The following EEF2K variants were observed in gnomAD, a reference collection of about 807,000 sequenced individuals.
EEF2K encodes the protein eukaryotic elongation factor 2 kinase, also known as alternative protein EEF2K.
In EEF2K, 70 loss-of-function variants were observed where a neutral mutation model predicts 93.8. The observed-to-expected ratio is 0.75, with a 90% CI of 0.62 to 0.91. The LOEUF (loss-of-function observed/expected upper bound fraction) is 0.91, where lower values mean the gene tolerates loss of function less well. Ranked by LOEUF, EEF2K falls within the 40% of genes least tolerant of loss-of-function variation. The pLI is 0.00. For synonymous variants in EEF2K, 376 were observed against 380.8 expected (o/e 0.99, Z 0.15); for missense variants, 935 against 972.9 (o/e 0.96, Z 0.52).
chr16:22,263,157 T>A lies in EEF2K; in HGVS notation c.1347T>A (p.Gly449=), dbSNP rs1327273546. ...GDSGYPSEKR[G]ELDDPEPREH... is the part of the protein sequence containing the mutation. ...GCGGATACCCCAGTGAGAAGCGGGG[T>A]GAGCTGGATGACCCTGAGCCCCGAG... The change falls in exon 12 of 18, where the codon GGT becomes GGA. Residue 449 remains glycine (G), a synonymous_variant. Coordinates refer to ENST00000263026, the MANE Select transcript of EEF2K (RefSeq NM_013302.5). 4 of 1,609,976 alleles carry A rather than the reference T, an allele frequency of 2.5e-6. No individual in the cohort carries two copies. The South Asian group carries it at 4.4e-5, about 18-fold the overall frequency.
chr16:22,214,095 G>A (rs538311513), intron 1 of EEF2K, among the ~76,000 whole-genome samples: 57 of 152,270 alleles, frequency 3.7e-4, no homozygotes, highest in Non-Finnish European at 5.9e-4. Context: ...TTAGGGAGTC[G>A]GGGACTGGAG....
chr16:22,264,836 C>T lies in EEF2K; in HGVS notation c.1396C>T (p.Arg466Trp), dbSNP rs770569305. The change falls in exon 13 of 18, where the codon CGG (arginine) becomes TGG (tryptophan). Residue 466 changes from arginine to tryptophan, a missense_variant. Coordinates refer to ENST00000263026, the MANE Select transcript of EEF2K (RefSeq NM_013302.5). Reference protein sequence around the residue: ...PREHGHSYSNRKYESDEDSLG... With the variant: ...PREHGHSYSNWKYESDEDSLG... ...CGTTCAGGGCCACTCATACAGTAAT[C>T]GGAAGTACGAGTCTGACGAAGACAG... 3.7e-6 allele frequency: 6 copies of T among 1,613,976 alleles called. No homozygotes were observed. Among genetic ancestry groups the T allele is most frequent in the East Asian group, 4.5e-5 (2 of 44,860 alleles).
chr16:22,280,366 G>A lies in EEF2K; in HGVS notation c.2058G>A (p.Pro686=), dbSNP rs780980822. 2.2e-5 allele frequency: 35 copies of A among 1,569,398 alleles called. 1 individual carries two copies. In the Admixed American group the frequency reaches 2.4e-4, roughly 11 times the overall value. The change falls in exon 17 of 18, where the codon CCG becomes CCA. Residue 686 remains proline, a synonymous_variant. Transcript: ENST00000263026. ...FTGGYGLEKD[P]QRSGDLYTQA... ...GAGGCTACGGGCTGGAGAAGGACCC[G>A]CAGAGATCAGGTAGGGCCTGGCAGA...
intron 13 of EEF2K, 89 bp downstream of exon 13, chr16:22,264,969 C>T: frequency 6.7e-7 from 1 of 1,486,128 alleles, no homozygotes; most frequent in Non-Finnish European, 9.3e-7. Flanking sequence ...ATCTCTGCTG[C>T]CTGCCCATCT....
At chr16:22,266,177 G>C (rs1299511880) in intron 13 of EEF2K, among the ~76,000 whole-genome samples, 7 of 151,570 alleles carry the variant, frequency 4.6e-5, no homozygotes. Flanking sequence ...AGCCGAGATT[G>C]TGCCATTGCA....
chr16:22,267,934 G>A (rs1195120631), intron 15 of EEF2K, among the ~76,000 whole-genome samples: 7 of 152,200 alleles, frequency 4.6e-5, no homozygotes, highest in East Asian at 3.9e-4. Context: ...AGCCCTTGGC[G>A]GGCACATCCT....
chr16:22,247,150 A>G (rs1291197685), intron 3 of EEF2K, among the ~76,000 whole-genome samples: 1 of 151,016 alleles, frequency 6.6e-6, no homozygotes, highest in Non-Finnish European at 1.5e-5. Context: ...GCTTAAAAAT[A>G]TTACTCTAGG....
At chr16:22,239,631 C>G (rs563822279) in intron 2 of EEF2K, among the ~76,000 whole-genome samples, 1 of 151,814 alleles carries the variant, frequency 6.6e-6, no homozygotes, top group East Asian at 1.9e-4. Context: ...GGCAACATAC[C>G]GAGATCCTGT....
At chr16:22,220,890 G>T (rs1567261067) in intron 1 of EEF2K, among the ~76,000 whole-genome samples, 1 of 152,226 alleles carries the variant, frequency 6.6e-6, no homozygotes, top group Non-Finnish European at 1.5e-5. Flanking sequence ...GCACCACGCC[G>T]TGTTGGTCAG....
rs571531158 is a variant in EEF2K at position 22,245,352 on chromosome 16, C to T, written c.347+622C>T. ...GAAGAAAGTCCATTTATAAGTAGACCCACGCACTTCAAACCCATGTCATTC... is the reference window on the plus strand; with the variant it reads ...GAAGAAAGTCCATTTATAAGTAGACTCACGCACTTCAAACCCATGTCATTC... On this transcript the variant is annotated intron_variant, in intron 3 of 17. Transcript: ENST00000263026. Among the ~76,000 whole-genome samples the T allele has an allele frequency of 3.3e-5, 5 of 152,154 alleles. No individual in the cohort carries two copies. The East Asian group carries it at 9.7e-4, about 29-fold the overall frequency.
At chr16:22,222,882 C>CAGATAGAT (rs111997183) in intron 1 of EEF2K, among the ~76,000 whole-genome samples, 1 of 150,248 alleles carries the variant, frequency 6.7e-6, no homozygotes, top group African/African-American at 2.5e-5. Flanking sequence ...GACTCCATCT[C>CAGATAGAT]AGATAGATAG....
intron 2 of EEF2K, among the ~76,000 whole-genome samples, chr16:22,241,064 G>T (rs745438269): frequency 6.6e-6 from 1 of 151,882 alleles, no homozygotes; most frequent in African/African-American, 2.4e-5. Flanking sequence ...CACCGCGCCC[G>T]GCCTAAACTG....
intron 16 of EEF2K, among the ~76,000 whole-genome samples, chr16:22,277,346 G>C (rs2047647299): frequency 6.6e-6 from 1 of 152,050 alleles, no homozygotes; most frequent in African/African-American, 2.4e-5. Flanking sequence ...TGTTGCCCAG[G>C]CTGGCCTCAA....
At chr16:22,253,941 A>G (rs796849786) in intron 6 of EEF2K, among the ~76,000 whole-genome samples, 4 of 152,092 alleles carry the variant, frequency 2.6e-5, no homozygotes, top group African/African-American at 9.6e-5. Context: ...CTCTACTAAA[A>G]ATACAAAATT....
intron 10 of EEF2K, among the ~76,000 whole-genome samples, chr16:22,259,264 GGGTATTGGCCTAAAGAGCTGGA>G (rs1323640896): frequency 2.6e-5 from 4 of 152,212 alleles, no homozygotes; most frequent in African/African-American, 9.6e-5. Flanking sequence ...ACTGACCCCA[GGGTATTGGCCTAAAGAGCTGGA>G]GGTCATGTAT....
intron 2 of EEF2K, among the ~76,000 whole-genome samples, chr16:22,232,568 C>T (rs1377493012): frequency 1.3e-5 from 2 of 152,176 alleles, no homozygotes; most frequent in Non-Finnish European, 2.9e-5. Flanking sequence ...AGGCTTTCTG[C>T]TCTGCCTTCC....
chr16:22,260,383 A>C, intron 10 of EEF2K, 79 bp from the exon 11 acceptor site: 1 of 1,484,818 alleles, frequency 6.7e-7, no homozygotes, highest in South Asian at 1.2e-5. Flanking sequence ...GCAGGTATGG[A>C]CCGCCCTAGG....
intron 6 of EEF2K, among the ~76,000 whole-genome samples, chr16:22,251,644 C>T (rs545279477): frequency 7.3e-4 from 111 of 152,128 alleles, no homozygotes; most frequent in African/African-American, 2.3e-3. Context: ...AGGCTGGTCT[C>T]GAACTCCTGA....
chr16:22,218,531 C>T (rs961769326), intron 1 of EEF2K, among the ~76,000 whole-genome samples: 1 of 152,124 alleles, frequency 6.6e-6, no homozygotes, highest in Non-Finnish European at 1.5e-5. Context: ...TAGTTTCCTG[C>T]CCCTGTAACT....
Sources: gnomAD v4.1 joint callset for allele counts (sites outside exome capture counted in the v4.1 genomes callset) on GRCh38, gnomAD v4.1.1 for gene constraint, MANE v1.5 for transcripts, NCBI Gene and HGNC (gene_info 2026-07-23, HGNC 2026-07-21) for gene names.